Variants in TTC39C observed in about 807,000 individuals in gnomAD.
TTC39C encodes tetratricopeptide repeat domain 39C, also known as tetratricopeptide repeat protein 39C.
Under a neutral mutation model 76.3 loss-of-function variants are expected in TTC39C, and 33 were observed. That is an observed-to-expected ratio of 0.43 (90% CI 0.33 to 0.58). The LOEUF (loss-of-function observed/expected upper bound fraction) is 0.58, where lower values mean the gene tolerates loss of function less well. Among genes scored for constraint, TTC39C ranks in the 20% least tolerant of loss-of-function variants. TTC39C has a pLI of 0.04. For synonymous variants in TTC39C, 254 were observed against 260.6 expected (o/e 0.97, Z 0.24); for missense variants, 595 against 701.4 (o/e 0.85, Z 1.71).
rs890035859 is a variant in TTC39C, at chr18:24,077,133, C to T, written c.461-3452C>T. ...GCACCCTTTTGTCCCGGTGTGTCCC[C>T]TGCTTCACTCTGCCTCCAAGCCGCT... On this transcript the variant is annotated intron_variant, in intron 4 of 13. Transcript: ENST00000317571. 4 of 152,540 alleles carry T rather than the reference C, an allele frequency of 2.6e-5. No individual in the cohort carries two copies. The South Asian group carries it at 8.3e-4, about 32-fold the overall frequency. The allele number at this position is 152,540 out of a possible 1,614,324, so 9.4% of individuals were successfully genotyped here.
chr18:24,048,426 G>A (rs990148197), intron 1 of TTC39C, among the ~76,000 whole-genome samples: 2 of 152,174 alleles, frequency 1.3e-5, no homozygotes, highest in Non-Finnish European at 2.9e-5. Context: ...TAAATGAGGT[G>A]TTTTTATGCC....
intron 1 of TTC39C, among the ~76,000 whole-genome samples, chr18:24,008,202 G>C (rs1001295906): frequency 6.6e-6 from 1 of 152,130 alleles, no homozygotes; most frequent in Non-Finnish European, 1.5e-5. Context: ...AACAGGTCAT[G>C]AACACCTACT....
At chr18:24,078,209 A>T (rs2084331109) in intron 4 of TTC39C, among the ~76,000 whole-genome samples, 1 of 152,224 alleles carries the variant, frequency 6.6e-6, no homozygotes, top group African/African-American at 2.4e-5. Flanking sequence ...TAGGACATTA[A>T]TCACCCAGAA....
At position 24,044,499 on chromosome 18, in the gene TTC39C, T is replaced by C. The variant is rs115932011; in HGVS notation, c.168-19641T>C. The stretch of plus-strand genomic sequence containing the variant: ...GCACCGCTTTTGCGGCAGTTTAGTA[T>C]GGACAGAGTCTGGGCAGGCTCAGTG... On this transcript the variant is annotated intron_variant, in intron 1 of 13. Coordinates refer to ENST00000317571, the MANE Select transcript of TTC39C (RefSeq NM_001135993.2). 3.2e-3 allele frequency among the ~76,000 whole-genome samples: 493 copies of C among 152,252 alleles called. 2 individuals carry two copies. The highest frequency in any genetic ancestry group is 0.011 in the African/African-American group (460 of 41,550).
intron 6 of TTC39C, among the ~76,000 whole-genome samples, chr18:24,092,379 A>G (rs1296626561): frequency 6.6e-6 from 1 of 152,144 alleles, no homozygotes; most frequent in Non-Finnish European, 1.5e-5. Context: ...AAAATGTCAA[A>G]CTATATGAAA....
chr18:24,055,650 T>C (rs1026778687), intron 1 of TTC39C, among the ~76,000 whole-genome samples: 4 of 152,178 alleles, frequency 2.6e-5, no homozygotes, highest in African/African-American at 9.7e-5. Context: ...TTATCAGATA[T>C]ATGATTTGCA....
intron 6 of TTC39C, chr18:24,114,250 GA>G: frequency 3.4e-6 from 1 of 296,862 alleles, no homozygotes; most frequent in Non-Finnish European, 6.4e-6. Flanking sequence ...CCACCTGAGT[GA>G]AGGAGAAGGT....
At chr18:24,119,518 C>T (rs1211488149) in intron 8 of TTC39C, among the ~76,000 whole-genome samples, 7 of 152,188 alleles carry the variant, frequency 4.6e-5, no homozygotes, top group African/African-American at 1.7e-4. Flanking sequence ...TATTCTGGAT[C>T]TCTTAAATTC....
chr18:24,015,214 C>T (rs1283053954), intron 1 of TTC39C, 176 bp downstream of exon 1: 2 of 536,086 alleles, frequency 3.7e-6, no homozygotes, highest in African/African-American at 2.0e-5. Flanking sequence ...GCCACATCTC[C>T]TCGTCCACCC....
chr18:24,003,427 T>C (rs2083328576), intron 1 of TTC39C, among the ~76,000 whole-genome samples: 1 of 152,242 alleles, frequency 6.6e-6, no homozygotes, highest in African/African-American at 2.4e-5. Context: ...AGGGGTTGTA[T>C]TTTATTCAAT....
chr18:24,091,497 C>A (rs1006267003), intron 6 of TTC39C, among the ~76,000 whole-genome samples: 6 of 152,140 alleles, frequency 3.9e-5, no homozygotes, highest in Non-Finnish European at 8.8e-5. Context: ...TTATACTATA[C>A]AAGAAAATTA....
chr18:23,998,795 T>C (rs2083289601), intron 1 of TTC39C, among the ~76,000 whole-genome samples: 1 of 48,222 alleles, frequency 2.1e-5, no homozygotes, highest in African/African-American at 5.7e-5. Flanking sequence ...CAGTCTGAAC[T>C]GTAAGCATGA....
At chr18:24,021,437 T>C (rs1037631498) in intron 1 of TTC39C, among the ~76,000 whole-genome samples, 2 of 152,228 alleles carry the variant, frequency 1.3e-5, no homozygotes, top group Non-Finnish European at 2.9e-5. Context: ...TACATGTTTT[T>C]ATGTAAAATT....
intron 1 of TTC39C, among the ~76,000 whole-genome samples, chr18:24,027,803 TC>T (rs549392877): frequency 6.9e-4 from 105 of 152,162 alleles, no homozygotes; most frequent in African/African-American, 2.3e-3. Context: ...CAAGCAGTCC[TC>T]CCACCTCAGC....
chr18:23,993,212 T>C (rs887548509), intron 1 of TTC39C, among the ~76,000 whole-genome samples: 4 of 152,190 alleles, frequency 2.6e-5, no homozygotes, highest in African/African-American at 9.7e-5. Flanking sequence ...AGACATATAA[T>C]GGAAAGAAAT....
intron 1 of TTC39C, among the ~76,000 whole-genome samples, chr18:24,020,516 G>A (rs1469237954): frequency 6.6e-6 from 1 of 152,174 alleles, no homozygotes; most frequent in East Asian, 1.9e-4. Context: ...TGGGGGATTG[G>A]TTCCAGGACC....
chr18:24,067,364 G>T (rs766262448), intron 3 of TTC39C, among the ~76,000 whole-genome samples: 1 of 152,116 alleles, frequency 6.6e-6, no homozygotes, highest in African/African-American at 2.4e-5. Context: ...AGACACATGG[G>T]TATTTCTGCC....
In TTC39C at chr18:24,133,702, T is replaced by G. The variant is rs1252939418; in HGVS notation, c.*1128T>G. The stretch of plus-strand genomic sequence containing the variant: ...ATTTTTTTATTCTTCATTGCTAATT[T>G]TTGTCATTTAATTTACCTCCATGCC... On this transcript the variant is annotated 3_prime_UTR_variant, in exon 14 of 14. Coordinates refer to ENST00000317571, the MANE Select transcript of TTC39C (RefSeq NM_001135993.2). The G allele has an allele frequency of 6.6e-6, 1 of 152,210 alleles. No homozygotes were observed. Among genetic ancestry groups the G allele is most frequent in the Non-Finnish European group, 1.5e-5 (1 of 68,044 alleles). 9.4% of individuals were successfully genotyped at this position (152,210 alleles called of 1,614,324 possible).
intron 1 of TTC39C, among the ~76,000 whole-genome samples, chr18:24,024,010 A>ATTTTTTTTTTTTTT (rs1568409146): frequency 1.5e-4 from 1 of 6,544 alleles, no homozygotes; most frequent in African/African-American, 5.3e-4. Flanking sequence ...ATATATATAT[A>ATTTTTTTTTTTTTT]TATATATTTT....
Sources: gnomAD v4.1 joint callset for allele counts (sites outside exome capture counted in the v4.1 genomes callset) on GRCh38, gnomAD v4.1.1 for gene constraint, MANE v1.5 for transcripts, NCBI Gene and HGNC (gene_info 2026-07-23, HGNC 2026-07-21) for gene names.